Variants in CFAP61 observed in about 807,000 individuals in gnomAD.
The protein encoded by CFAP61 is cilia and flagella associated protein 61.
In CFAP61, 107 loss-of-function variants were observed where a neutral mutation model predicts 135.6. The observed-to-expected ratio is 0.79, with a 90% confidence interval of 0.67 to 0.93. CFAP61 has a LOEUF of 0.93. CFAP61 is among the 40% of genes least tolerant of loss of function. The pLI, the probability that CFAP61 is intolerant of heterozygous loss-of-function variation, is 0.00. For synonymous variants in CFAP61, 575 were observed against 578.5 expected (o/e 0.99, Z 0.09); for missense variants, 1,507 against 1,556.2 (o/e 0.97, Z 0.53).
intron 8 of CFAP61, among the ~76,000 whole-genome samples, chr20:20,137,514 C>T (rs1307762315): frequency 6.6e-6 from 1 of 152,180 alleles, no homozygotes; most frequent in Non-Finnish European, 1.5e-5. Flanking sequence ...AGGAGTCTCT[C>T]CCCATGTCCA....
chr20:20,290,049 A>G (rs768713059), intron 23 of CFAP61, among the ~76,000 whole-genome samples: 12 of 152,232 alleles, frequency 7.9e-5, no homozygotes, highest in Non-Finnish European at 1.2e-4. Context: ...CACAGGATAC[A>G]CAAGATCGGC....
chr20:20,359,901 C>T lies in CFAP61; in HGVS notation c.3514-309C>T, dbSNP rs968005640. On this transcript the variant is annotated intron_variant, in intron 26 of 26. Coordinates refer to ENST00000245957, the MANE Select transcript of CFAP61 (RefSeq NM_015585.4). The surrounding 1 kb of genome is among the most constrained non-coding windows in gnomAD (Gnocchi z 4.0). ...CCAGGGCCTGGAGGATGGGAGGGTACGGAGCTGGTGTTTAATGGAGACAGC... is the reference window on the plus strand; with the variant it reads ...CCAGGGCCTGGAGGATGGGAGGGTATGGAGCTGGTGTTTAATGGAGACAGC... Among the ~76,000 whole-genome samples the T allele has an allele frequency of 8.6e-5, 13 of 151,976 alleles. No homozygotes were observed. The highest frequency in any genetic ancestry group is 4.6e-4 in the Admixed American group (7 of 15,260).
intron 20 of CFAP61, among the ~76,000 whole-genome samples, 158 bp from the exon 21 acceptor site, chr20:20,262,796 GTT>G (rs2052359011): frequency 9.9e-6 from 1 of 101,248 alleles, no homozygotes; most frequent in Non-Finnish European, 1.9e-5. Context: ...CTTTCCACCT[GTT>G]TTTGTGTTTT....
intron 6 of CFAP61, among the ~76,000 whole-genome samples, chr20:20,076,317 T>C (rs2046047153): frequency 6.6e-6 from 1 of 152,130 alleles, no homozygotes. Context: ...CAGCCATATG[T>C]AAGAAGTCTG....
At chr20:20,165,602 A>G (rs1187449563) in intron 11 of CFAP61, among the ~76,000 whole-genome samples, 1 of 151,756 alleles carries the variant, frequency 6.6e-6, no homozygotes, top group Non-Finnish European at 1.5e-5. Context: ...TGGATTCCAC[A>G]TCTCCTTAGC....
intron 22 of CFAP61, among the ~76,000 whole-genome samples, chr20:20,282,856 T>C (rs2054300779): frequency 6.6e-6 from 1 of 151,984 alleles, no homozygotes; most frequent in African/African-American, 2.4e-5. Context: ...GGAGAATCTC[T>C]TGAACCTAGG....
chr20:20,107,202 G>A (rs2048470113), intron 8 of CFAP61, among the ~76,000 whole-genome samples: 1 of 152,214 alleles, frequency 6.6e-6, no homozygotes, highest in Non-Finnish European at 1.5e-5. Flanking sequence ...GGCTAAGGAA[G>A]CAATTACTGA....
chr20:20,193,080 G>A (rs1293258826), intron 15 of CFAP61, among the ~76,000 whole-genome samples: 1 of 152,096 alleles, frequency 6.6e-6, no homozygotes, highest in Non-Finnish European at 1.5e-5. Flanking sequence ...TGTCCTGGTG[G>A]TCATCTTAGG....
At chr20:20,259,915 TC>T (rs1569206594) in intron 20 of CFAP61, 2 of 151,712 alleles carry the variant, frequency 1.3e-5, no homozygotes, top group Non-Finnish European at 2.9e-5. Context: ...TGAAAAGTTA[TC>T]TGCTGCTCTC....
At chr20:20,191,441 A>C in intron 15 of CFAP61, 22 bp downstream of exon 15, 1 of 1,574,758 alleles carries the variant, frequency 6.4e-7, no homozygotes, top group Non-Finnish European at 8.7e-7. Context: ...AGTGGATATA[A>C]ATTTCTTTGA....
chr20:20,180,109 C>A (rs2054941757), intron 13 of CFAP61, among the ~76,000 whole-genome samples: 1 of 152,106 alleles, frequency 6.6e-6, no homozygotes, highest in African/African-American at 2.4e-5. Flanking sequence ...AAAAGTTTTG[C>A]AAACTATGCA....
chr20:20,312,636 G>A (rs2056895889), intron 25 of CFAP61, among the ~76,000 whole-genome samples: 1 of 152,086 alleles, frequency 6.6e-6, no homozygotes, highest in African/African-American at 2.4e-5. Flanking sequence ...AGAAAACTAT[G>A]CCAAGGCATA....
intron 2 of CFAP61, among the ~76,000 whole-genome samples, chr20:20,064,180 A>G (rs2045059798): frequency 6.6e-6 from 1 of 152,114 alleles, no homozygotes; most frequent in Non-Finnish European, 1.5e-5. Flanking sequence ...CGGCTTTTCC[A>G]TCGTAACTAA....
At chr20:20,156,306 A>G (rs776658396) in intron 9 of CFAP61, among the ~76,000 whole-genome samples, 20 of 152,356 alleles carry the variant, frequency 1.3e-4, no homozygotes, top group Admixed American at 3.9e-4. Context: ...AAAAAAAACC[A>G]TATGTTTATC....
intron 6 of CFAP61, among the ~76,000 whole-genome samples, chr20:20,083,842 A>C (rs2046605535): frequency 6.6e-6 from 1 of 152,246 alleles, no homozygotes; most frequent in African/African-American, 2.4e-5. Flanking sequence ...TGAAAAGCAC[A>C]TGACAAATTT....
intron 2 of CFAP61, among the ~76,000 whole-genome samples, chr20:20,068,684 G>A (rs2045490552): frequency 6.6e-6 from 1 of 152,162 alleles, no homozygotes; most frequent in Non-Finnish European, 1.5e-5. Flanking sequence ...TACCCAGGGG[G>A]ATTTCACTTG....
chr20:20,222,067 G>A (rs1422014456), intron 17 of CFAP61: 2 of 152,140 alleles, frequency 1.3e-5, no homozygotes, highest in African/African-American at 4.8e-5. Flanking sequence ...AAATGCTGTT[G>A]ACTGTAAGGC....
chr20:20,125,281 T>C (rs770632602), intron 8 of CFAP61, among the ~76,000 whole-genome samples: 1 of 151,784 alleles, frequency 6.6e-6, no homozygotes, highest in African/African-American at 2.4e-5. Flanking sequence ...TTTGTTCTTC[T>C]TTCTCTAGTT....
chr20:20,125,888 G>A (rs2050030131), intron 8 of CFAP61, among the ~76,000 whole-genome samples: 1 of 151,648 alleles, frequency 6.6e-6, no homozygotes, highest in Non-Finnish European at 1.5e-5. Flanking sequence ...GTAAATTTGG[G>A]ACCTCCAGTG....
Sources: allele counts gnomAD v4.1 joint callset (sites outside exome capture counted in the v4.1 genomes callset), GRCh38; gene constraint gnomAD v4.1.1; non-coding constraint Gnocchi (gnomAD v3.1); transcripts MANE v1.5; gene names NCBI Gene and HGNC (gene_info 2026-07-23, HGNC 2026-07-21).